RALYL: variants seen among roughly 807,000 people sequenced by gnomAD.
RALYL encodes RALY RNA binding protein like, also known as RNA-binding Raly-like protein.
RALYL carries 29 observed loss-of-function variants against 35.1 expected under a neutral mutation model. That is an observed-to-expected ratio of 0.83 (90% CI 0.61 to 1.13). RALYL has a LOEUF of 1.13. Among genes scored for constraint, RALYL ranks in the 50% most tolerant of loss-of-function variants. The probability of loss-of-function intolerance (pLI) is 0.00; values close to 1 mark genes in which losing one functional copy is unlikely to be tolerated. For synonymous variants in RALYL, 120 were observed against 127.6 expected (o/e 0.94, Z 0.40); for missense variants, 359 against 360.4 (o/e 1.00, Z 0.03).
intron 2 of RALYL, among the ~76,000 whole-genome samples, chr8:84,713,137 G>C (rs960364660): frequency 6.6e-6 from 1 of 151,822 alleles, no homozygotes; most frequent in South Asian, 2.1e-4. Flanking sequence ...TTGTATATGG[G>C]GTGAAATAGA....
intron 2 of RALYL, among the ~76,000 whole-genome samples, chr8:84,730,120 A>T (rs1563460548): frequency 1.3e-5 from 2 of 152,154 alleles, no homozygotes; most frequent in Non-Finnish European, 2.9e-5. Flanking sequence ...ATGAACATTG[A>T]TGCAAAAATC....
chr8:84,349,322 A>G (rs1161967965), intron 1 of RALYL, among the ~76,000 whole-genome samples: 1 of 150,478 alleles, frequency 6.6e-6, no homozygotes, highest in East Asian at 1.9e-4. Context: ...TCTTTATAAC[A>G]GCAACTTGTA....
chr8:84,600,115 C>A (rs1815572066), intron 2 of RALYL, among the ~76,000 whole-genome samples: 1 of 151,874 alleles, frequency 6.6e-6, no homozygotes, highest in South Asian at 2.1e-4. Flanking sequence ...TTATTTCATC[C>A]CAAAACTTTT....
At chr8:84,738,216 A>C (rs1364835585) in intron 2 of RALYL, among the ~76,000 whole-genome samples, 2 of 152,004 alleles carry the variant, frequency 1.3e-5, no homozygotes, top group African/African-American at 4.8e-5. Flanking sequence ...TGACTGGTCC[A>C]GTTGAGTTTT....
At chr8:84,297,988 A>T (rs1840080993) in intron 1 of RALYL, among the ~76,000 whole-genome samples, 1 of 151,938 alleles carries the variant, frequency 6.6e-6, no homozygotes, top group Admixed American at 6.6e-5. Context: ...GCAGGTTGTC[A>T]GCTTATTCTG....
chr8:84,721,107 T>C (rs541256532), intron 2 of RALYL, among the ~76,000 whole-genome samples: 1 of 151,740 alleles, frequency 6.6e-6, no homozygotes, highest in Admixed American at 6.6e-5. Context: ...ATGGCTCAGA[T>C]CTGTAATCCC....
At chr8:84,470,321 A>T (rs1317671786) in intron 1 of RALYL, among the ~76,000 whole-genome samples, 1 of 152,198 alleles carries the variant, frequency 6.6e-6, no homozygotes. Context: ...TTTATTTCAG[A>T]TGAAAACTGA....
intron 2 of RALYL, among the ~76,000 whole-genome samples, chr8:84,666,953 G>A (rs1832191831): frequency 6.6e-6 from 1 of 152,034 alleles, no homozygotes; most frequent in Non-Finnish European, 1.5e-5. Context: ...TATCAATTAG[G>A]AAAGACAAGT....
Position 84,640,656 on chromosome 8 carries a change from C to G in RALYL, c.256+111079C>G, listed in dbSNP as rs906596784. 5.9e-5 allele frequency among the ~76,000 whole-genome samples: 9 copies of G among 151,600 alleles called. No homozygotes were observed. In the South Asian group the frequency reaches 1.9e-3, roughly 32 times the overall value. ...CATCAGGCCACAACAATAGTTACAA[C>G]TGGAGGAAAAAACTTACAGAAGCTG... On this transcript the variant is annotated intron_variant, in intron 2 of 8. Coordinates refer to ENST00000521268, the MANE Select transcript of RALYL (RefSeq NM_173848.7).
intron 1 of RALYL, among the ~76,000 whole-genome samples, chr8:84,209,118 C>T (rs1348796768): frequency 3.5e-5 from 5 of 141,138 alleles, no homozygotes; most frequent in African/African-American, 1.3e-4. Flanking sequence ...ACATCCCACT[C>T]CTCCACCAAA....
chr8:84,788,828 G>A (rs756098888), intron 3 of RALYL, among the ~76,000 whole-genome samples: 1 of 152,140 alleles, frequency 6.6e-6, no homozygotes, highest in East Asian at 1.9e-4. Context: ...AGCAGCTGAA[G>A]TCGTCTAATC....
chr8:84,920,579 C>T (rs1053314102), intron 8 of RALYL, among the ~76,000 whole-genome samples: 4 of 151,986 alleles, frequency 2.6e-5, no homozygotes, highest in Middle Eastern at 3.2e-3. Flanking sequence ...AATCTCTTTC[C>T]CTAGTCTAGA....
chr8:84,742,743 A>G (rs1807670974), intron 2 of RALYL, among the ~76,000 whole-genome samples: 1 of 152,048 alleles, frequency 6.6e-6, no homozygotes, highest in South Asian at 2.1e-4. Flanking sequence ...TAGTCCTAAA[A>G]TAGTACATTA....
chr8:84,511,373 C>T (rs2057602633), intron 1 of RALYL, among the ~76,000 whole-genome samples: 1 of 152,078 alleles, frequency 6.6e-6, no homozygotes, highest in African/African-American at 2.4e-5. Flanking sequence ...TACAACAATG[C>T]CTGGCACATA....
At chr8:84,893,487 G>T (rs1281968330) in intron 8 of RALYL, among the ~76,000 whole-genome samples, 1 of 152,144 alleles carries the variant, frequency 6.6e-6, no homozygotes, top group Non-Finnish European at 1.5e-5. Flanking sequence ...GAAAGCTAGT[G>T]CTTAACACAG....
At chr8:84,608,379 C>T (rs567858478) in intron 2 of RALYL, among the ~76,000 whole-genome samples, 3 of 152,196 alleles carry the variant, frequency 2.0e-5, no homozygotes, top group South Asian at 4.1e-4. Flanking sequence ...GCCCAGGATC[C>T]TAGCAATTCC....
intron 2 of RALYL, among the ~76,000 whole-genome samples, chr8:84,670,455 A>G (rs1229694331): frequency 1.3e-5 from 2 of 152,248 alleles, no homozygotes; most frequent in Admixed American, 1.3e-4. Context: ...AAATTTCACA[A>G]TGCCTTACAC....
chr8:84,815,981 C>T (rs1464908904), intron 4 of RALYL, among the ~76,000 whole-genome samples: 1 of 143,652 alleles, frequency 7.0e-6, no homozygotes. Context: ...TTGCAGTGAG[C>T]CGGGATCATG....
chr8:84,684,959 G>C (rs1283127690), intron 2 of RALYL, among the ~76,000 whole-genome samples: 1 of 152,182 alleles, frequency 6.6e-6, no homozygotes, highest in Non-Finnish European at 1.5e-5. Context: ...CCTCCTCTCA[G>C]CTGGTAGGCA....
Sources: allele counts gnomAD v4.1 joint callset (sites outside exome capture counted in the v4.1 genomes callset), GRCh38; gene constraint gnomAD v4.1.1; transcripts MANE v1.5; gene names NCBI Gene and HGNC (gene_info 2026-07-23, HGNC 2026-07-21).